GRK5: variants seen among roughly 807,000 people sequenced by gnomAD.
GRK5 encodes G protein-coupled receptor kinase 5.
A neutral mutation model predicts 78.4 loss-of-function variants in GRK5; 40 were observed. The observed-to-expected ratio is 0.51, with a 90% CI of 0.40 to 0.66. The LOEUF is 0.66. Ranked by LOEUF, GRK5 falls within the 30% of genes least tolerant of loss-of-function variation. GRK5 has a pLI of 0.00. For missense variants in GRK5, 598 were observed against 759.9 expected, an observed-to-expected ratio of 0.79 and a Z score of 2.50; for synonymous variants, 289 against 296.8, an observed-to-expected ratio of 0.97 and a Z score of 0.27.
chr10:119,407,999 A>G (rs1461860063), intron 4 of GRK5, among the ~76,000 whole-genome samples: 1 of 152,056 alleles, frequency 6.6e-6, no homozygotes, highest in African/African-American at 2.4e-5. Flanking sequence ...CCCCATCTCT[A>G]TTAAAAATAC....
At chr10:119,230,592 C>T (rs1036777616) in intron 1 of GRK5, among the ~76,000 whole-genome samples, 5 of 152,034 alleles carry the variant, frequency 3.3e-5, no homozygotes, top group South Asian at 4.1e-4. Flanking sequence ...AGTTACCTCC[C>T]ACTGGGTCCC....
In GRK5 at chr10:119,303,950, G is replaced by A. The variant is rs115060107; in HGVS notation, c.53-22566G>A. Among the ~76,000 whole-genome samples, 1,228 of 152,198 alleles carry A rather than the reference G, an allele frequency of 8.1e-3. 23 individuals carry two copies. Among genetic ancestry groups the A allele is most frequent in the African/African-American group, 0.029 (1,183 of 41,486 alleles). On this transcript the variant is annotated intron_variant, in intron 1 of 15. Transcript: ENST00000392870. ...TGGTGTCCCTACAGCCAGACTCAGG[G>A]TCCTTGCCTACCCTAAAGCGCCAGG...
At chr10:119,290,914 C>T (rs1460276933) in intron 1 of GRK5, among the ~76,000 whole-genome samples, 1 of 152,120 alleles carries the variant, frequency 6.6e-6, no homozygotes, top group Non-Finnish European at 1.5e-5. Flanking sequence ...GGCAGCAAAG[C>T]CACTGCCTGT....
chr10:119,278,167 A>G (rs2133685094), intron 1 of GRK5, among the ~76,000 whole-genome samples: 1 of 152,262 alleles, frequency 6.6e-6, no homozygotes, highest in Middle Eastern at 3.4e-3. Context: ...TTGTTTTTAG[A>G]TAAGCTTCCC....
chr10:119,349,832 C>T (rs1230973277), intron 2 of GRK5, among the ~76,000 whole-genome samples: 1 of 152,238 alleles, frequency 6.6e-6, no homozygotes, highest in African/African-American at 2.4e-5. Context: ...CTCAGAACCA[C>T]CACCTGCCTT....
chr10:119,400,746 G>C (rs1852136616), intron 4 of GRK5, among the ~76,000 whole-genome samples: 1 of 152,188 alleles, frequency 6.6e-6, no homozygotes, highest in Non-Finnish European at 1.5e-5. Flanking sequence ...CATGGAGGAG[G>C]AATAAGGGGG....
intron 1 of GRK5, among the ~76,000 whole-genome samples, chr10:119,273,867 G>A (rs964926299): frequency 5.9e-5 from 9 of 152,058 alleles, no homozygotes; most frequent in African/African-American, 1.9e-4. Flanking sequence ...TCCATCTCCT[G>A]GGTTCAAATG....
intron 9 of GRK5, 77 bp from the exon 10 acceptor site, chr10:119,439,654 A>AG: frequency 7.0e-7 from 1 of 1,428,336 alleles, no homozygotes; most frequent in Non-Finnish European, 9.9e-7. Context: ...GATTAGCCCG[A>AG]GGGGTCGACC....
intron 1 of GRK5, among the ~76,000 whole-genome samples, chr10:119,286,227 C>T (rs1187686456): frequency 6.6e-6 from 1 of 152,208 alleles, no homozygotes; most frequent in African/African-American, 2.4e-5. Flanking sequence ...CCTGCAGCCA[C>T]CACTACAACT....
intron 1 of GRK5, among the ~76,000 whole-genome samples, chr10:119,321,802 T>C (rs1388220567): frequency 6.6e-6 from 1 of 152,156 alleles, no homozygotes; most frequent in Non-Finnish European, 1.5e-5. Flanking sequence ...GCCCAGGCCG[T>C]AGCTGGAGAG....
In GRK5 at chr10:119,336,434, GT is replaced by G. The variant is rs898474230; in HGVS notation, c.148+9824del. 3.9e-5 allele frequency among the ~76,000 whole-genome samples: 6 copies of G among 152,198 alleles called. No individual in the cohort carries two copies. The highest frequency in any genetic ancestry group is 1.4e-4 in the African/African-American group (6 of 41,534). On this transcript the variant is annotated intron_variant, in intron 2 of 15. Coordinates refer to ENST00000392870, the MANE Select transcript of GRK5 (RefSeq NM_005308.3). The surrounding 1 kb of genome is among the most constrained non-coding windows in gnomAD (Gnocchi z 4.5). The stretch of plus-strand genomic sequence containing the variant: ...GTCAGAGGGGACACTGGCTTTATCT[GT>G]AAGATTGTTTTTTTTTTAAAAAAAG...
At chr10:119,433,945 G>C (rs935214885) in intron 8 of GRK5, among the ~76,000 whole-genome samples, 1 of 152,210 alleles carries the variant, frequency 6.6e-6, no homozygotes, top group African/African-American at 2.4e-5. Flanking sequence ...TGGACTTATG[G>C]TTCCATGTGG....
chr10:119,406,731 G>A (rs890506094), intron 4 of GRK5, among the ~76,000 whole-genome samples: 3 of 152,170 alleles, frequency 2.0e-5, no homozygotes, highest in African/African-American at 7.2e-5. Context: ...GCTGGAGGGC[G>A]GAAGAGGATT....
At chr10:119,344,958 C>T (rs969175413) in intron 2 of GRK5, among the ~76,000 whole-genome samples, 4 of 136,558 alleles carry the variant, frequency 2.9e-5, no homozygotes, top group East Asian at 4.4e-4. Flanking sequence ...CTCCCTCCCT[C>T]GCTCCTTCCT....
chr10:119,335,184 C>T (rs973724931), intron 2 of GRK5, among the ~76,000 whole-genome samples: 5 of 138,340 alleles, frequency 3.6e-5, no homozygotes, highest in African/African-American at 1.4e-4. Flanking sequence ...CTCCCCCTCT[C>T]CCTCTCCCCC....
Position 119,264,145 on chromosome 10 carries a change from G to A in GRK5, c.52+56176G>A, listed in dbSNP as rs928583305. The stretch of plus-strand genomic sequence containing the variant: ...ATCAAAATGAGCCACGTGCTTGCAT[G>A]CCACCTTGAATGCTCTCCATTGACA... On this transcript the variant is annotated intron_variant, in intron 1 of 15. Coordinates refer to ENST00000392870, the MANE Select transcript of GRK5 (RefSeq NM_005308.3). The surrounding 1 kb of genome is among the most constrained non-coding windows in gnomAD (Gnocchi z 4.1). Among the ~76,000 whole-genome samples, 1 of 152,124 alleles carries A rather than the reference G, an allele frequency of 6.6e-6. No individual in the cohort carries two copies. The highest frequency in any genetic ancestry group is 1.5e-5 in the Non-Finnish European group (1 of 68,028).
In GRK5 at chr10:119,267,907, G is replaced by C. The variant is rs538040974; in HGVS notation, c.53-58609G>C. ...CCAAAACCCTACATGCTGCCTCATA[G>C]GAAATGGGGTCCCCTGAGGAGAAGG... On this transcript the variant is annotated intron_variant, in intron 1 of 15. Transcript: ENST00000392870. The surrounding 1 kb of genome is among the most constrained non-coding windows in gnomAD (Gnocchi z 4.1). 5.9e-5 allele frequency among the ~76,000 whole-genome samples: 9 copies of C among 152,280 alleles called. No individual in the cohort carries two copies. Among genetic ancestry groups the C allele is most frequent in the African/African-American group, 1.9e-4 (8 of 41,562 alleles).
At chr10:119,337,536 T>C (rs1211158821) in intron 2 of GRK5, among the ~76,000 whole-genome samples, 1 of 152,232 alleles carries the variant, frequency 6.6e-6, no homozygotes, top group Non-Finnish European at 1.5e-5. Flanking sequence ...TCTGTGGCTG[T>C]AGACTCATCA....
chr10:119,408,341 C>CAAAAAAAAAAA (rs67973033), intron 4 of GRK5, among the ~76,000 whole-genome samples: 2 of 48,702 alleles, frequency 4.1e-5, no homozygotes, highest in Non-Finnish European at 7.0e-5. Flanking sequence ...AACCCTGTCT[C>CAAAAAAAAAAA]AAAAAAAAAA....
Sources: gnomAD v4.1 joint callset for allele counts (sites outside exome capture counted in the v4.1 genomes callset) on GRCh38, gnomAD v4.1.1 for gene constraint, Gnocchi (gnomAD v3.1) non-coding constraint, MANE v1.5 for transcripts, NCBI Gene and HGNC (gene_info 2026-07-23, HGNC 2026-07-21) for gene names.